RANBP2: variants seen among roughly 807,000 people sequenced by gnomAD.
The protein encoded by RANBP2 is E3 SUMO-protein ligase RanBP2.
Under a neutral mutation model 303.6 loss-of-function variants are expected in RANBP2, and 57 were observed. The ratio of observed to expected loss-of-function variants is 0.19; its 90% confidence interval spans 0.15 to 0.23. The LOEUF (loss-of-function observed/expected upper bound fraction) is 0.23. Among genes scored for constraint, RANBP2 ranks in the 10% least tolerant of loss-of-function variants. RANBP2 has a pLI of 1.00. For synonymous variants in RANBP2, 1,167 were observed against 1,301.5 expected, an observed-to-expected ratio of 0.90 and a Z score of 2.23; for missense variants, 3,138 against 3,780.8, an observed-to-expected ratio of 0.83 and a Z score of 4.46.
the RANBP2 span, among the ~76,000 whole-genome samples, chr2:109,307,340 A>G: frequency 2.0e-5 from 3 of 152,186 alleles, no homozygotes; most frequent in Non-Finnish European, 4.4e-5. Context: ...ACTTGGCCAG[A>G]AGTTAGGAGG....
the RANBP2 span, among the ~76,000 whole-genome samples, chr2:109,659,186 G>A: frequency 6.6e-6 from 1 of 152,104 alleles, no homozygotes; most frequent in African/African-American, 2.4e-5. Flanking sequence ...AGACCAGCAT[G>A]GCCAACACGG....
At chr2:109,148,923 GT>G in the RANBP2 span, among the ~76,000 whole-genome samples, 1 of 152,144 alleles carries the variant, frequency 6.6e-6, no homozygotes, top group South Asian at 2.1e-4. Context: ...AAAAAATCAA[GT>G]TCTAGACTTT....
At chr2:108,857,002 A>C in the RANBP2 span, 1 of 1,312,030 alleles carries the variant, frequency 7.6e-7, no homozygotes, top group Non-Finnish European at 1.1e-6. Context: ...GTGTAAAGAA[A>C]GCAGGATGAT....
the RANBP2 span, among the ~76,000 whole-genome samples, chr2:109,038,882 GGT>G: frequency 2.6e-5 from 4 of 152,102 alleles, no homozygotes; most frequent in African/African-American, 7.2e-5. Context: ...TAAGTGTAGT[GGT>G]ATCTCTTTGT....
At chr2:108,966,059 C>T in the RANBP2 span, among the ~76,000 whole-genome samples, 6 of 152,242 alleles carry the variant, frequency 3.9e-5, no homozygotes, top group African/African-American at 9.6e-5. Context: ...TCAATATCAC[C>T]ATATCCTTGG....
chr2:109,398,903 T>C, the RANBP2 span: 5 of 1,613,504 alleles, frequency 3.1e-6, no homozygotes, highest in South Asian at 1.1e-5. Flanking sequence ...GCGGCCAGGA[T>C]TGGAGACCTT....
the RANBP2 span, chr2:109,585,572 C>A: frequency 1.4e-6 from 1 of 730,268 alleles, no homozygotes; most frequent in Non-Finnish European, 2.3e-6. Flanking sequence ...CTAAGAAAAA[C>A]AAAACTAACA....
the RANBP2 span, among the ~76,000 whole-genome samples, chr2:109,197,091 C>G: frequency 6.6e-6 from 1 of 152,152 alleles, no homozygotes; most frequent in Admixed American, 6.5e-5. Context: ...AGAACTGGCC[C>G]AAGGCAACAC....
At chr2:109,570,895 G>A in the RANBP2 span, among the ~76,000 whole-genome samples, 1 of 152,162 alleles carries the variant, frequency 6.6e-6, no homozygotes, top group Admixed American at 6.5e-5. Context: ...GTTATATACA[G>A]TCATGTGTGG....
chr2:109,170,453 C>G, the RANBP2 span, among the ~76,000 whole-genome samples: 1 of 152,070 alleles, frequency 6.6e-6, no homozygotes, highest in South Asian at 2.1e-4. Context: ...TCAAGTGATT[C>G]TCCTGCCTCA....
At chr2:109,226,890 C>T in the RANBP2 span, among the ~76,000 whole-genome samples, 1 of 152,304 alleles carries the variant, frequency 6.6e-6, no homozygotes, top group African/African-American at 2.4e-5. Flanking sequence ...CAGAGAGAAG[C>T]AAAGCCGTGT....
At chr2:109,614,961 C>T in the RANBP2 span, 1 of 1,527,440 alleles carries the variant, frequency 6.5e-7, no homozygotes, top group East Asian at 2.5e-5. Context: ...GAAGAACTCG[C>T]GGCGCGACGT....
At position 108,763,710 on chromosome 2, in the gene RANBP2, T is replaced by A; in HGVS notation, c.3171T>A (p.Pro1057=). The stretch of plus-strand genomic sequence containing the variant: ...CACAGGTTGTGACACAGCCCCCTCC[T>A]GCAGCTTACAGTAACAGTGAAAGCC... ...SSPQVVTQPP[P]AAYSNSESLL... is the part of the protein sequence containing the mutation. The change falls in exon 20 of 29, where the codon CCT becomes CCA. Residue 1057 remains proline, a synonymous_variant. Coordinates refer to ENST00000283195, the MANE Select transcript of RANBP2 (RefSeq NM_006267.5). 6.2e-7 allele frequency: 1 copy of A among 1,614,108 alleles called. No homozygotes were observed. Among genetic ancestry groups the A allele is most frequent in the Non-Finnish European group, 8.5e-7 (1 of 1,179,972 alleles).
the RANBP2 span, among the ~76,000 whole-genome samples, chr2:109,635,403 G>A: frequency 1.3e-5 from 2 of 152,134 alleles, no homozygotes; most frequent in Non-Finnish European, 2.9e-5. Context: ...GGCTGGCCTC[G>A]AACTCCTGAC....
the RANBP2 span, among the ~76,000 whole-genome samples, chr2:109,741,507 T>G: frequency 7.2e-6 from 1 of 139,590 alleles, no homozygotes; most frequent in Non-Finnish European, 1.5e-5. Flanking sequence ...TCACTTGAGG[T>G]CAGGAGCTCA....
At chr2:109,022,610 G>T in the RANBP2 span, among the ~76,000 whole-genome samples, 1 of 152,156 alleles carries the variant, frequency 6.6e-6, no homozygotes, top group Non-Finnish European at 1.5e-5. Flanking sequence ...AAGGTGGGAG[G>T]GGGAGAGGGA....
At chr2:109,446,227 T>G in the RANBP2 span, among the ~76,000 whole-genome samples, 1 of 152,164 alleles carries the variant, frequency 6.6e-6, no homozygotes, top group Non-Finnish European at 1.5e-5. Context: ...GTTTTTCTTC[T>G]CCAGTGGTTC....
the RANBP2 span, among the ~76,000 whole-genome samples, chr2:109,229,193 A>AT: frequency 6.6e-6 from 1 of 152,126 alleles, no homozygotes; most frequent in African/African-American, 2.4e-5. Context: ...AAGACCAAAT[A>AT]TGTATTTTTA....
At chr2:109,347,090 C>T in the RANBP2 span, among the ~76,000 whole-genome samples, 2 of 152,204 alleles carry the variant, frequency 1.3e-5, no homozygotes, top group Non-Finnish European at 2.9e-5. Flanking sequence ...ACGCCTGCTG[C>T]TCAGCTTCAA....
Sources: gnomAD v4.1 joint callset for allele counts (sites outside exome capture counted in the v4.1 genomes callset) on GRCh38, gnomAD v4.1.1 for gene constraint, MANE v1.5 for transcripts, NCBI Gene and HGNC (gene_info 2026-07-23, HGNC 2026-07-21) for gene names.